DAGLA: variants seen among roughly 807,000 people sequenced by gnomAD.
The protein encoded by DAGLA is diacylglycerol lipase alpha.
In DAGLA, 22 loss-of-function variants were observed where a neutral mutation model predicts 102.6. That is an observed-to-expected ratio of 0.21 (90% confidence interval 0.15 to 0.31). The LOEUF is 0.31. Ranked by LOEUF, DAGLA falls within the 10% of genes least tolerant of loss-of-function variation. The pLI, the probability that DAGLA is intolerant of heterozygous loss-of-function variation, is 1.00. For missense variants in DAGLA, 927 were observed against 1,446.6 expected (o/e 0.64, Z 5.83); for synonymous variants, 578 against 628.9 (o/e 0.92, Z 1.21).
At chr11:61,694,836 G>A (rs1486902458) in intron 1 of DAGLA, among the ~76,000 whole-genome samples, 1 of 152,214 alleles carries the variant, frequency 6.6e-6, no homozygotes, top group African/African-American at 2.4e-5. Flanking sequence ...TGGATCGCTC[G>A]CATTACCCAC....
chr11:61,704,069 T>A (rs1174122535), intron 1 of DAGLA, among the ~76,000 whole-genome samples: 1 of 151,988 alleles, frequency 6.6e-6, no homozygotes, highest in Admixed American at 6.5e-5. Flanking sequence ...GGGGCAGGAT[T>A]CTGAGTGGGG....
At position 61,743,676 on chromosome 11, in the gene DAGLA, C is replaced by G; in HGVS notation, c.2316C>G (p.Ala772=). The G allele has an allele frequency of 6.2e-7, 1 of 1,600,646 alleles. No homozygotes were observed. The highest frequency in any genetic ancestry group is 8.5e-7 in the Non-Finnish European group (1 of 1,176,212). The change falls in exon 20 of 20, where the codon GCC becomes GCG. Residue 772 remains alanine (A), a synonymous_variant. Transcript: ENST00000257215. ...AGCGGCTGGCGGCGGAGCTGCAGGC[C>G]CGGCGGGCACCACTGGCCACCATGG... The part of the protein sequence containing the change: ...TQERLAAELQ[A]RRAPLATMES...
intron 8 of DAGLA, 41 bp from the exon 9 acceptor site, chr11:61,731,276 G>A: frequency 1.2e-6 from 2 of 1,609,234 alleles, no homozygotes; most frequent in Non-Finnish European, 1.7e-6. Flanking sequence ...CTGTAGGCAG[G>A]AAGGGCAGGA....
chr11:61,705,898 C>T (rs566938766), intron 1 of DAGLA, among the ~76,000 whole-genome samples: 1 of 152,252 alleles, frequency 6.6e-6, no homozygotes, highest in African/African-American at 2.4e-5. Context: ...AAGCCCTGGC[C>T]ATCTGTGGGT....
At chr11:61,737,398 G>C in intron 14 of DAGLA, 74 bp downstream of exon 14, 1 of 1,583,832 alleles carries the variant, frequency 6.3e-7, no homozygotes, top group Non-Finnish European at 8.6e-7. Context: ...CTGGTGCTAG[G>C]GGCTGGACTG....
intron 8 of DAGLA, among the ~76,000 whole-genome samples, chr11:61,730,216 C>T (rs1202766256): frequency 6.6e-6 from 1 of 152,076 alleles, no homozygotes; most frequent in Non-Finnish European, 1.5e-5. Context: ...GCTTGCCAGG[C>T]TCTGCCCTGG....
At chr11:61,713,570 G>A (rs560366528) in intron 1 of DAGLA, among the ~76,000 whole-genome samples, 56 of 152,320 alleles carry the variant, frequency 3.7e-4, no homozygotes, top group African/African-American at 8.2e-4. Flanking sequence ...AGGTTAACTC[G>A]CTACCACAGT....
intron 1 of DAGLA, among the ~76,000 whole-genome samples, chr11:61,691,425 G>A (rs1408635968): frequency 6.6e-6 from 1 of 152,236 alleles, no homozygotes; most frequent in African/African-American, 2.4e-5. Flanking sequence ...ACTGAGTCTG[G>A]CTGTGAAGAA....
intron 1 of DAGLA, among the ~76,000 whole-genome samples, chr11:61,716,116 A>G (rs2065233976): frequency 6.6e-6 from 1 of 152,138 alleles, no homozygotes; most frequent in East Asian, 1.9e-4. Context: ...TGAGGAGGCC[A>G]TGGGGTGGGA....
At chr11:61,704,414 C>T (rs2065133938) in intron 1 of DAGLA, among the ~76,000 whole-genome samples, 1 of 152,216 alleles carries the variant, frequency 6.6e-6, no homozygotes, top group Non-Finnish European at 1.5e-5. Flanking sequence ...GCCACTGTGC[C>T]CTGCCCGACC....
In DAGLA at chr11:61,723,430, G is replaced by A. The variant is rs199919138; in HGVS notation, c.410-4G>A. 2.5e-4 allele frequency: 401 copies of A among 1,610,490 alleles called. 1 individual carries two copies. The highest frequency in any genetic ancestry group is 3.2e-4 in the Non-Finnish European group (379 of 1,177,106). ...TACCTAATGCCTCCCACTGCTGCCC[G>A]CAGGAATGGTTGTCTGCAACTGGGT... is the stretch of plus-strand genomic sequence containing the variant. On this transcript the variant is annotated splice_region_variant and splice_polypyrimidine_tract_variant and intron_variant, in intron 4 of 19. Transcript: ENST00000257215.
Position 61,741,272 on chromosome 11 carries a change from A to T in DAGLA, c.2094A>T (p.Pro698=). ...LTPELIFQQQ[P]LPTGPPMPTG... Reference sequence around the variant, plus strand: ...CTGAGCTCATCTTCCAGCAGCAGCCACTCCCCACGGGGCCGCCCATGCCCA... The same window carrying T: ...CTGAGCTCATCTTCCAGCAGCAGCCTCTCCCCACGGGGCCGCCCATGCCCA... Residue 698 remains proline (P), a synonymous_variant, in exon 19 of 20, where the codon CCA becomes CCT. Transcript: ENST00000257215. 6.2e-7 allele frequency: 1 copy of T among 1,613,026 alleles called. No individual in the cohort carries two copies.
At chr11:61,739,272 C>T (rs181071508) in intron 16 of DAGLA, among the ~76,000 whole-genome samples, 193 bp from the exon 17 acceptor site, 10 of 152,314 alleles carry the variant, frequency 6.6e-5, no homozygotes, top group Admixed American at 3.3e-4. Flanking sequence ...GTCTGGCCAC[C>T]GTGCACCTCA....
At chr11:61,706,402 A>G (rs2065149607) in intron 1 of DAGLA, among the ~76,000 whole-genome samples, 1 of 152,094 alleles carries the variant, frequency 6.6e-6, no homozygotes, top group African/African-American at 2.4e-5. Context: ...TCTGCACCCC[A>G]CCCATGAACA....
intron 1 of DAGLA, among the ~76,000 whole-genome samples, chr11:61,695,688 C>G (rs2065059268): frequency 6.6e-6 from 1 of 152,230 alleles, no homozygotes; most frequent in African/African-American, 2.4e-5. Context: ...CTCTTTGCTC[C>G]TCCTCTCTCT....
Position 61,744,774 on chromosome 11 carries a change from G to A in DAGLA, c.*285G>A, listed in dbSNP as rs963957794. ...TGGGTGGGCCACACTCAGCCTGACT[G>A]CCCTCCATGGGGGCATTCTGGCACC... On this transcript the variant is annotated 3_prime_UTR_variant, in exon 20 of 20. Coordinates refer to ENST00000257215, the MANE Select transcript of DAGLA (RefSeq NM_006133.3). The A allele has an allele frequency of 2.6e-5, 10 of 378,958 alleles. No homozygotes were observed. The highest frequency in any genetic ancestry group is 4.3e-5 in the Non-Finnish European group (9 of 209,958). 23.5% of individuals were successfully genotyped at this position (378,958 alleles called of 1,614,324 possible).
intron 1 of DAGLA, among the ~76,000 whole-genome samples, chr11:61,719,157 T>C (rs559377989): frequency 6.6e-6 from 1 of 152,344 alleles, no homozygotes; most frequent in African/African-American, 2.4e-5. Flanking sequence ...CCCATGCTGC[T>C]TCCTTTCTCT....
chr11:61,735,813 C>T lies in DAGLA; in HGVS notation c.1287C>T (p.His429=), dbSNP rs772187930. Residue 429 remains histidine (H), a synonymous_variant, in exon 12 of 20, where the codon CAC becomes CAT. Transcript: ENST00000257215. ...VEGHHGTWLG[H]KGMVLSAEYI... ...GGCACCACGGCACCTGGCTGGGCCA[C>T]AAGGTAACCCACGTCATGGACCCCA... 1.9e-6 allele frequency: 3 copies of T among 1,609,074 alleles called. No homozygotes were observed. The Admixed American group carries it at 5.0e-5, about 27-fold the overall frequency.
At position 61,728,320 on chromosome 11, in the gene DAGLA, T is replaced by G. The variant is rs202177163; in HGVS notation, c.771+33T>G. 6.2e-6 allele frequency: 10 copies of G among 1,601,676 alleles called. No homozygotes were observed. In the East Asian group the frequency reaches 2.0e-4, roughly 32 times the overall value. ...CCACCAGCCCCTTCTCCAGGTCACC[T>G]CTCCACACCACCCTTCTTTCAGGCC... On this transcript the variant is annotated intron_variant, in intron 7 of 19. Coordinates refer to ENST00000257215, the MANE Select transcript of DAGLA (RefSeq NM_006133.3).
Sources: allele counts gnomAD v4.1 joint callset (sites outside exome capture counted in the v4.1 genomes callset), GRCh38; gene constraint gnomAD v4.1.1; transcripts MANE v1.5; gene names NCBI Gene and HGNC (gene_info 2026-07-23, HGNC 2026-07-21).